Variants in CEP112 observed in about 807,000 individuals in gnomAD.
CEP112 encodes centrosomal protein 112, also known as centrosomal protein of 112 kDa.
In CEP112, 127 loss-of-function variants were observed where a neutral mutation model predicts 153.0. The observed-to-expected ratio is 0.83, with a 90% CI of 0.72 to 0.96. CEP112 has a LOEUF of 0.96. Among genes scored for constraint, CEP112 ranks in the 40% least tolerant of loss-of-function variants. The pLI is 0.00. For synonymous variants in CEP112, 358 were observed against 374.4 expected (o/e 0.96, Z 0.51); for missense variants, 1,089 against 1,101.2 (o/e 0.99, Z 0.16).
At chr17:65,847,465 A>G (rs1472714377) in intron 21 of CEP112, among the ~76,000 whole-genome samples, 5 of 152,188 alleles carry the variant, frequency 3.3e-5, no homozygotes, top group Non-Finnish European at 5.9e-5. Flanking sequence ...ATTCTTTACT[A>G]AGAATACAGA....
intron 21 of CEP112, among the ~76,000 whole-genome samples, chr17:65,791,076 G>C (rs2054567246): frequency 1.3e-5 from 2 of 148,560 alleles, no homozygotes; most frequent in African/African-American, 5.0e-5. Context: ...TTTTGGGGGG[G>C]ATTTGATTAA....
intron 3 of CEP112, chr17:66,176,615 T>C (rs952303478): frequency 5.3e-6 from 2 of 375,130 alleles, no homozygotes. Context: ...TGTTGAATAC[T>C]GAGGCATAAC....
chr17:66,123,021 T>C (rs980360302), intron 6 of CEP112, among the ~76,000 whole-genome samples: 3 of 152,254 alleles, frequency 2.0e-5, no homozygotes, highest in African/African-American at 7.2e-5. Context: ...GTCTTCAGAC[T>C]GCCTCTCCCC....
At chr17:66,031,520 G>T (rs984343766) in intron 12 of CEP112, among the ~76,000 whole-genome samples, 1 of 140,380 alleles carries the variant, frequency 7.1e-6, no homozygotes, top group African/African-American at 2.7e-5. Context: ...GTCTCATAGC[G>T]CAATCTTGGC....
At chr17:66,067,396 A>T (rs1035169747) in intron 9 of CEP112, among the ~76,000 whole-genome samples, 4 of 152,246 alleles carry the variant, frequency 2.6e-5, no homozygotes, top group Admixed American at 2.6e-4. Flanking sequence ...TTCTCAGATT[A>T]GCATAAAAAT....
intron 8 of CEP112, among the ~76,000 whole-genome samples, chr17:66,093,405 C>T (rs541186250): frequency 1.3e-5 from 2 of 151,600 alleles, no homozygotes; most frequent in South Asian, 2.1e-4. Flanking sequence ...TATTTACAGA[C>T]GATATGATCT....
intron 16 of CEP112, among the ~76,000 whole-genome samples, chr17:66,024,620 C>T (rs763979481): frequency 6.6e-6 from 1 of 151,580 alleles, no homozygotes; most frequent in Non-Finnish European, 1.5e-5. Flanking sequence ...AGGAAAACTA[C>T]AAAACACTGT....
At chr17:65,670,172 G>C (rs1751595995) in intron 24 of CEP112, among the ~76,000 whole-genome samples, 1 of 150,364 alleles carries the variant, frequency 6.7e-6, no homozygotes, top group Non-Finnish European at 1.5e-5. Context: ...TTTTGTTGTT[G>C]TTGTTGTTTT....
At chr17:65,726,875 C>T (rs1461543909) in intron 23 of CEP112, among the ~76,000 whole-genome samples, 5 of 152,152 alleles carry the variant, frequency 3.3e-5, no homozygotes, top group African/African-American at 9.7e-5. Context: ...AGATCTACTT[C>T]ATTCTTTAAA....
At chr17:66,097,318 A>G (rs1442567987) in intron 6 of CEP112, among the ~76,000 whole-genome samples, 3 of 152,024 alleles carry the variant, frequency 2.0e-5, no homozygotes, top group Non-Finnish European at 2.9e-5. Context: ...TTTAAAAATC[A>G]TCTCCCCCAG....
In CEP112 at chr17:65,839,929, T is replaced by TA. The variant is rs544484660; in HGVS notation, c.2394+11874dup. 6.6e-4 allele frequency among the ~76,000 whole-genome samples: 100 copies of TA among 151,436 alleles called. 1 individual carries two copies. The highest frequency in any genetic ancestry group is 3.4e-3 in the Admixed American group (52 of 15,218). On this transcript the variant is annotated intron_variant, in intron 21 of 26. Transcript: ENST00000535342. ...AAAGCAATCCTATTTACAGCAGCGA[T>TA]AAAAAAAATCTAGGAATAAATTTAA...
intron 17 of CEP112, among the ~76,000 whole-genome samples, chr17:66,001,395 T>C (rs1276268633): frequency 1.3e-5 from 2 of 152,202 alleles, no homozygotes; most frequent in Non-Finnish European, 2.9e-5. Context: ...ATTCTGTAGG[T>C]TGTGTTTCTT....
intron 16 of CEP112, among the ~76,000 whole-genome samples, chr17:66,017,873 G>A (rs1184603122): frequency 6.6e-6 from 1 of 152,086 alleles, no homozygotes; most frequent in Non-Finnish European, 1.5e-5. Flanking sequence ...GGTGGCACAT[G>A]CCTGTGATCC....
At chr17:65,714,634 T>C (rs1050413993) in intron 23 of CEP112, among the ~76,000 whole-genome samples, 5 of 152,180 alleles carry the variant, frequency 3.3e-5, no homozygotes. Flanking sequence ...TCTTTCATTT[T>C]CTCTCCTAGC....
chr17:66,043,164 T>G (rs2066057491), intron 12 of CEP112: 2 of 639,780 alleles, frequency 3.1e-6, no homozygotes, highest in Non-Finnish European at 3.9e-6. Flanking sequence ...TTCTTTAAAG[T>G]TCACTTTCAT....
At chr17:66,129,714 T>G (rs977676929) in intron 6 of CEP112, 32 bp downstream of exon 6, 2 of 1,419,792 alleles carry the variant, frequency 1.4e-6, no homozygotes, top group Non-Finnish European at 2.0e-6. Context: ...TTGACACATC[T>G]ATATATACAT....
intron 20 of CEP112, among the ~76,000 whole-genome samples, chr17:65,862,271 G>A (rs773724196): frequency 1.1e-4 from 16 of 152,188 alleles, no homozygotes; most frequent in Non-Finnish European, 2.4e-4. Flanking sequence ...GGAGCACACA[G>A]GTACAGGCAG....
In CEP112 at chr17:66,094,308, C is replaced by T. The variant is rs563553366; in HGVS notation, c.768+1943G>A. Among the ~76,000 whole-genome samples the T allele has an allele frequency of 3.9e-5, 6 of 152,184 alleles. No homozygotes were observed. In the East Asian group the frequency reaches 1.2e-3, roughly 30 times the overall value. On this transcript the variant is annotated intron_variant, in intron 8 of 26. Transcript: ENST00000535342. ...CTCCTAATCTCAAGTGATCCGCCCA[C>T]CTCAGCCTCCCAAAGTGCTCAATTA...
At chr17:66,087,705 A>G (rs2067991667) in intron 8 of CEP112, among the ~76,000 whole-genome samples, 1 of 152,216 alleles carries the variant, frequency 6.6e-6, no homozygotes, top group African/African-American at 2.4e-5. Context: ...CGAAATAGGA[A>G]AAGACATAAC....
Sources: gnomAD v4.1 joint callset for allele counts (sites outside exome capture counted in the v4.1 genomes callset) on GRCh38, gnomAD v4.1.1 for gene constraint, MANE v1.5 for transcripts, NCBI Gene and HGNC (gene_info 2026-07-23, HGNC 2026-07-21) for gene names.